Variants in HERC2 observed in about 807,000 individuals in gnomAD.
HERC2 encodes the protein HECT and RLD domain containing E3 ubiquitin protein ligase 2, also known as E3 ubiquitin-protein ligase HERC2.
HERC2 carries 102 observed loss-of-function variants against 537.7 expected under a neutral mutation model. That is an observed-to-expected ratio of 0.19 (90% CI 0.16 to 0.22). The LOEUF is 0.22. HERC2 is among the 10% of genes least tolerant of loss of function. HERC2 has a pLI of 1.00. For synonymous variants in HERC2, 2,224 were observed against 2,466.2 expected (o/e 0.90, Z 2.91); for missense variants, 4,236 against 6,198.2 (o/e 0.68, Z 10.63).
chr15:28,246,120 T>C (rs1903688731), intron 22 of HERC2, 54 bp from the exon 23 acceptor site: 3 of 1,174,046 alleles, frequency 2.6e-6, no homozygotes, highest in African/African-American at 1.6e-5. Flanking sequence ...TAAAAGCTAT[T>C]TGTAAACTTG....
rs1183866912 is a variant in HERC2 at position 28,176,218 on chromosome 15, T to C, written c.9686+210A>G. ...GGTAAGTGGCCTAAAATTTTTCTAG[T>C]ATTTTCAAAATGACCCAGTTACAAT... On this transcript the variant is annotated intron_variant, in intron 63 of 92. Coordinates refer to ENST00000261609, the MANE Select transcript of HERC2 (RefSeq NM_004667.6). This position sits in a 1 kb window ranked among gnomAD's most constrained non-coding sequence, Gnocchi z 5.0. Among the ~76,000 whole-genome samples, 1 of 152,236 alleles carries C rather than the reference T, an allele frequency of 6.6e-6. No homozygotes were observed. The highest frequency in any genetic ancestry group is 1.5e-5 in the Non-Finnish European group (1 of 68,028).
At chr15:28,310,588 G>C (rs2076914613) in intron 2 of HERC2, among the ~76,000 whole-genome samples, 2 of 152,240 alleles carry the variant, frequency 1.3e-5, no homozygotes, top group Admixed American at 1.3e-4. Flanking sequence ...GAGGAGGGCA[G>C]TGAATACGTG....
chr15:28,191,865 C>T, intron 53 of HERC2, 96 bp downstream of exon 53: 1 of 1,094,672 alleles, frequency 9.1e-7, no homozygotes, highest in African/African-American at 1.6e-5. Context: ...GTGCTATCAG[C>T]AAAACTTTGC....
At chr15:28,218,769 T>A (rs1900202955) in intron 37 of HERC2, 98 bp from the exon 38 acceptor site, 8 of 1,076,060 alleles carry the variant, frequency 7.4e-6, no homozygotes, top group Non-Finnish European at 1.4e-6. Flanking sequence ...ATTCTTGTTT[T>A]ATTGAAGACT....
intron 70 of HERC2, among the ~76,000 whole-genome samples, chr15:28,151,341 T>A (rs555352065): frequency 6.6e-6 from 1 of 152,140 alleles, no homozygotes; most frequent in Non-Finnish European, 1.5e-5. Flanking sequence ...AGGTGGCATG[T>A]GTCTGTACTC....
intron 76 of HERC2, 98 bp downstream of exon 76, chr15:28,142,140 C>G: frequency 2.1e-6 from 3 of 1,398,138 alleles, no homozygotes; most frequent in Non-Finnish European, 2.9e-6. Context: ...CCTTGGCAAG[C>G]GAAATTTTTC....
At chr15:28,241,191 A>C (rs1361954118) in intron 23 of HERC2, among the ~76,000 whole-genome samples, 5 of 152,136 alleles carry the variant, frequency 3.3e-5, no homozygotes, top group African/African-American at 9.7e-5. Flanking sequence ...AAGACAAAAA[A>C]CCCAATTAAA....
chr15:28,182,541 G>GA (rs919750878), intron 56 of HERC2, 29 bp from the exon 57 acceptor site: 1 of 1,489,086 alleles, frequency 6.7e-7, no homozygotes, highest in East Asian at 2.3e-5. Flanking sequence ...AAAAGAAAAA[G>GA]AAAAGAGAGG....
In HERC2 at chr15:28,308,337, T is replaced by A. The variant is rs1335497980; in HGVS notation, c.73-8821A>T. On this transcript the variant is annotated intron_variant, in intron 2 of 92. Transcript: ENST00000261609. ...GCTACTATAAATGGGATTACTTTTC[T>A]AATTTCTTTTTCATATTGTTTACTG... is the stretch of plus-strand genomic sequence containing the variant. Among the ~76,000 whole-genome samples, 4 of 152,344 alleles carry A rather than the reference T, an allele frequency of 2.6e-5. No homozygotes were observed. In the East Asian group the frequency reaches 7.7e-4, roughly 29 times the overall value.
At chr15:28,316,059 TAAA>T (rs11396433) in intron 2 of HERC2, 2 of 273,854 alleles carry the variant, frequency 7.3e-6, no homozygotes, top group Non-Finnish European at 1.5e-5. Flanking sequence ...TTCCGCTGTT[TAAA>T]AAAAAAAAAA....
rs976960778 is a variant in HERC2 at position 28,174,740 on chromosome 15, TAAAGGTAA to T, written c.9832-128_9832-121del. 91 of 825,600 alleles carry T rather than the reference TAAAGGTAA, an allele frequency of 1.1e-4. 1 individual carries two copies. The African/African-American group carries it at 1.3e-3, about 12-fold the overall frequency. The allele number at this position is 825,600 out of a possible 1,614,324, so 51.1% of individuals were successfully genotyped here. ...ACGGTAGTTGAAAGAATTGAGTTCT[TAAAGGTAA>T]AAACAAACCATTTCACAATCTTTCA... On this transcript the variant is annotated intron_variant, in intron 64 of 92. Coordinates refer to ENST00000261609, the MANE Select transcript of HERC2 (RefSeq NM_004667.6).
chr15:28,251,167 G>C (rs1156805014), intron 20 of HERC2, among the ~76,000 whole-genome samples: 1 of 152,204 alleles, frequency 6.6e-6, no homozygotes, highest in East Asian at 1.9e-4. Flanking sequence ...ATGTGGCCAG[G>C]TGCAGTGGCT....
At position 28,305,409 on chromosome 15, in the gene HERC2, G is replaced by C. The variant is rs12397537; in HGVS notation, c.73-5893C>G. On this transcript the variant is annotated intron_variant, in intron 2 of 92. Transcript: ENST00000261609. ...ACTATCTGATCTTTGACAAACCTGA[G>C]AAAAACAAGCAATGGGGAAAGGATT... 2.4e-3 allele frequency among the ~76,000 whole-genome samples: 352 copies of C among 147,292 alleles called. 1 individual carries two copies. The highest frequency in any genetic ancestry group is 8.0e-3 in the African/African-American group (323 of 40,304).
Position 28,229,576 on chromosome 15 carries a change from G to A in HERC2, c.5004C>T (p.Arg1668=). 6.2e-7 allele frequency: 1 copy of A among 1,612,444 alleles called. No homozygotes were observed. The part of the protein sequence containing the change: ...LLKQLERAEV[R]LEGIDTILKL... ...TTAAAATTGTATCTATCCCTTCCAG[G>A]CGAACCTCTGCTCTCTCCAACTGCA... Residue 1668 remains arginine (R), a synonymous_variant, in exon 33 of 93, where the codon CGC becomes CGT. Coordinates refer to ENST00000261609, the MANE Select transcript of HERC2 (RefSeq NM_004667.6).
intron 1 of HERC2, among the ~76,000 whole-genome samples, chr15:28,321,849 G>A (rs1161708050): frequency 2.1e-5 from 3 of 145,484 alleles, no homozygotes. Flanking sequence ...CCCCACAGCA[G>A]GGCGCGTGCG....
chr15:28,300,064 A>AG (rs1244213239), intron 2 of HERC2, among the ~76,000 whole-genome samples: 13 of 151,132 alleles, frequency 8.6e-5, no homozygotes, highest in Non-Finnish European at 1.3e-4. Context: ...AAAAAAAAAA[A>AG]AAAAGAAAAG....
At chr15:28,149,501 T>C (rs1054018873) in intron 70 of HERC2, among the ~76,000 whole-genome samples, 3 of 140,946 alleles carry the variant, frequency 2.1e-5, no homozygotes, top group Admixed American at 7.2e-5. Context: ...TCCAGTAACA[T>C]TACCAAAAAA....
At chr15:28,163,945 C>A (rs928920745) in intron 68 of HERC2, among the ~76,000 whole-genome samples, 5 of 152,204 alleles carry the variant, frequency 3.3e-5, no homozygotes, top group African/African-American at 4.8e-5. Flanking sequence ...CAGCTCCCAC[C>A]CTATGGAGGT....
Position 28,143,990 on chromosome 15 carries a change from A to G in HERC2, c.11301T>C (p.Ala3767=). The change falls in exon 74 of 93, where the codon GCT becomes GCC. Residue 3767 remains alanine (A), a splice_region_variant and synonymous_variant. Transcript: ENST00000261609. Reference sequence around the variant, plus strand: ...GAAGGGCCCACATTCTGTGACTGGCAGCTGAAATGAGCAGAGAGAAAGTAT... The same window carrying G: ...GAAGGGCCCACATTCTGTGACTGGCGGCTGAAATGAGCAGAGAGAAAGTAT... ...LAACAQLSAL[A]ASHRMWALQR... 1.2e-6 allele frequency: 2 copies of G among 1,614,130 alleles called. No individual in the cohort carries two copies. The highest frequency in any genetic ancestry group is 1.7e-6 in the Non-Finnish European group (2 of 1,180,034).
Sources: allele counts gnomAD v4.1 joint callset (sites outside exome capture counted in the v4.1 genomes callset), GRCh38; gene constraint gnomAD v4.1.1; non-coding constraint Gnocchi (gnomAD v3.1); transcripts MANE v1.5; gene names NCBI Gene and HGNC (gene_info 2026-07-23, HGNC 2026-07-21).